Variants in PCNX2 observed in about 807,000 individuals in gnomAD.
PCNX2 encodes the protein pecanex 2, also known as pecanex-like protein 2.
PCNX2 carries 168 observed loss-of-function variants against 223.8 expected under a neutral mutation model. The ratio of observed to expected loss-of-function variants is 0.75; its 90% CI spans 0.66 to 0.85. The LOEUF (loss-of-function observed/expected upper bound fraction) is 0.85, where lower values mean the gene tolerates loss of function less well. PCNX2 is among the 40% of genes least tolerant of loss of function. The pLI is 0.00. For missense variants in PCNX2, 2,507 were observed against 2,675.5 expected, an observed-to-expected ratio of 0.94 and a Z score of 1.39; for synonymous variants, 1,006 against 1,052.6, an observed-to-expected ratio of 0.96 and a Z score of 0.86.
At chr1:233,257,894 T>A in intron 5 of PCNX2, 134 bp downstream of exon 5, 1 of 1,218,302 alleles carries the variant, frequency 8.2e-7, no homozygotes, top group South Asian at 1.6e-5. Context: ...CAAATATTGA[T>A]GAGAAAGCCA....
chr1:233,207,506 G>A (rs1681548380), intron 13 of PCNX2, among the ~76,000 whole-genome samples: 2 of 152,182 alleles, frequency 1.3e-5, no homozygotes, highest in South Asian at 2.1e-4. Flanking sequence ...TATGCCGTCG[G>A]GTCAATACCG....
At chr1:233,233,422 TCCTGTGTG>T (rs1234293718) in intron 9 of PCNX2, among the ~76,000 whole-genome samples, 1 of 126,382 alleles carries the variant, frequency 7.9e-6, no homozygotes, top group Non-Finnish European at 1.6e-5. Context: ...CCTCCTCTTC[TCCTGTGTG>T]TGTGTGTGTG....
intron 10 of PCNX2, 31 bp from the exon 11 acceptor site, chr1:233,218,215 A>C (rs1657116194): frequency 1.3e-6 from 1 of 743,766 alleles, no homozygotes. Flanking sequence ...AAAGCAAAAA[A>C]AAAAAAAAAA....
chr1:233,278,824 T>C (rs1489948652), intron 1 of PCNX2, among the ~76,000 whole-genome samples: 1 of 152,176 alleles, frequency 6.6e-6, no homozygotes, highest in African/African-American at 2.4e-5. Flanking sequence ...CAGTTTTAGC[T>C]TCCTCTTTAC....
intron 19 of PCNX2, among the ~76,000 whole-genome samples, chr1:233,154,023 T>C (rs1677969274): frequency 6.6e-6 from 1 of 152,170 alleles, no homozygotes; most frequent in Non-Finnish European, 1.5e-5. Context: ...TTTGTAATAG[T>C]GGATTTTTTT....
chr1:232,990,400 G>C lies in PCNX2; in HGVS notation c.5792-3860C>G, dbSNP rs906371441. 3.9e-5 allele frequency among the ~76,000 whole-genome samples: 6 copies of C among 152,150 alleles called. No individual in the cohort carries two copies. The highest frequency in any genetic ancestry group is 6.5e-5 in the Admixed American group (1 of 15,284). On this transcript the variant is annotated intron_variant, in intron 32 of 33. Coordinates refer to ENST00000258229, the MANE Select transcript of PCNX2 (RefSeq NM_014801.4). This position sits in a 1 kb window ranked among gnomAD's most constrained non-coding sequence, Gnocchi z 4.3. Reference sequence around the variant, plus strand: ...TTCTGGATAGTTGAATCACATCTTGGAGGGATTCTGGCCGGGGGATTGGGG... The same window carrying C: ...TTCTGGATAGTTGAATCACATCTTGCAGGGATTCTGGCCGGGGGATTGGGG...
intron 23 of PCNX2, among the ~76,000 whole-genome samples, chr1:233,076,726 G>A (rs1673113143): frequency 6.6e-6 from 1 of 152,196 alleles, no homozygotes; most frequent in South Asian, 2.1e-4. Flanking sequence ...GAGACACCTT[G>A]TCAAATCATT....
Position 233,000,601 on chromosome 1 carries a change from C to A in PCNX2, c.5098-66G>T. 2 of 1,310,936 alleles carry A rather than the reference C, an allele frequency of 1.5e-6. No individual in the cohort carries two copies. The highest frequency in any genetic ancestry group is 2.1e-6 in the Non-Finnish European group (2 of 947,228). 81.2% of individuals were successfully genotyped at this position (1,310,936 alleles called of 1,614,324 possible). ...GAGGAACTCACCCCCAGGAAGCATG[C>A]AGATGGCAACTGGCCAGTGACCTCC... On this transcript the variant is annotated intron_variant, in intron 29 of 33. Coordinates refer to ENST00000258229, the MANE Select transcript of PCNX2 (RefSeq NM_014801.4). The surrounding 1 kb of genome is among the most constrained non-coding windows in gnomAD (Gnocchi z 4.6).
intron 25 of PCNX2, among the ~76,000 whole-genome samples, chr1:233,034,784 G>C (rs1359375732): frequency 6.6e-6 from 1 of 152,200 alleles, no homozygotes; most frequent in Non-Finnish European, 1.5e-5. Context: ...TACCTTCCTG[G>C]CTGGGAGGCC....
intron 10 of PCNX2, 42 bp downstream of exon 10, chr1:233,227,184 G>GTGTGCCCTGTCACGTCCCCA: frequency 6.4e-7 from 1 of 1,556,386 alleles, no homozygotes; most frequent in East Asian, 2.3e-5. Flanking sequence ...TCACGTCCCC[G>GTGTGCCCTGTCACGTCCCCA]GTGTGCCTTC....
chr1:233,205,857 A>T (rs1681418954), intron 13 of PCNX2, among the ~76,000 whole-genome samples: 1 of 152,212 alleles, frequency 6.6e-6, no homozygotes, highest in African/African-American at 2.4e-5. Context: ...CTGAGCGAAT[A>T]AGCTAGTGAG....
At chr1:233,027,376 A>C (rs910109762) in intron 25 of PCNX2, among the ~76,000 whole-genome samples, 1 of 152,272 alleles carries the variant, frequency 6.6e-6, no homozygotes, top group African/African-American at 2.4e-5. Flanking sequence ...AAGTTTAAAA[A>C]ATCTTTTTGA....
chr1:233,218,472 G>A (rs1245938329), intron 10 of PCNX2, among the ~76,000 whole-genome samples: 3 of 151,858 alleles, frequency 2.0e-5, no homozygotes, highest in Non-Finnish European at 1.5e-5. Flanking sequence ...GGATGGTCTT[G>A]ATCTCCTGAC....
In PCNX2 at chr1:233,295,177, T is replaced by A; in HGVS notation, c.153+149A>T. On this transcript the variant is annotated intron_variant, in intron 1 of 33. Transcript: ENST00000258229. This position sits in a 1 kb window ranked among gnomAD's most constrained non-coding sequence, Gnocchi z 4.1. ...CAGTCCCCTTTCCCTGCATGTTCTC[T>A]GTCCCAAATTTCTGAAGCCCCTCCC... 1 of 1,138,388 alleles carries A rather than the reference T, an allele frequency of 8.8e-7. No homozygotes were observed. Among genetic ancestry groups the A allele is most frequent in the Admixed American group, 2.5e-5 (1 of 39,688 alleles). 70.5% of individuals were successfully genotyped at this position (1,138,388 alleles called of 1,614,324 possible). A position where few individuals can be genotyped will look rare whatever the true frequency, so the allele number is the denominator to read the frequency against.
chr1:233,326,372 ATTTGTATTG>A, the PCNX2 span, among the ~76,000 whole-genome samples: 1 of 152,144 alleles, frequency 6.6e-6, no homozygotes, highest in Admixed American at 6.5e-5. Flanking sequence ...TATTTGTATT[ATTTGTATTG>A]TTATTTTTTG....
chr1:233,172,159 T>A (rs1210612673), intron 17 of PCNX2, among the ~76,000 whole-genome samples: 1 of 152,232 alleles, frequency 6.6e-6, no homozygotes, highest in African/African-American at 2.4e-5. Context: ...AATCTGTGTC[T>A]GATACTTCCA....
intron 10 of PCNX2, among the ~76,000 whole-genome samples, chr1:233,220,607 C>T (rs1028878438): frequency 4.6e-5 from 7 of 151,956 alleles, no homozygotes; most frequent in Admixed American, 3.9e-4. Flanking sequence ...TTCTTTAGGC[C>T]TTAAGCCCAT....
intron 6 of PCNX2, 42 bp downstream of exon 6, chr1:233,252,599 C>G: frequency 5.6e-6 from 9 of 1,600,666 alleles, no homozygotes; most frequent in Non-Finnish European, 7.7e-6. Flanking sequence ...CTGTCTCATG[C>G]TTTATGACCA....
At chr1:233,308,244 G>GT in the PCNX2 span, among the ~76,000 whole-genome samples, 2 of 152,138 alleles carry the variant, frequency 1.3e-5, no homozygotes, top group African/African-American at 4.8e-5. Context: ...ATCATTTGAG[G>GT]TCAGGAGTTT....
Sources: gnomAD v4.1 joint callset for allele counts (sites outside exome capture counted in the v4.1 genomes callset) on GRCh38, gnomAD v4.1.1 for gene constraint, Gnocchi (gnomAD v3.1) non-coding constraint, MANE v1.5 for transcripts, NCBI Gene and HGNC (gene_info 2026-07-23, HGNC 2026-07-21) for gene names.